The following NSMF variants were observed in gnomAD, a reference collection of about 807,000 sequenced individuals.
NSMF encodes NMDA receptor synaptonuclear signaling and neuronal migration factor.
Under a neutral mutation model 71.0 loss-of-function variants are expected in NSMF, and 31 were observed. The ratio of observed to expected loss-of-function variants is 0.44; its 90% CI spans 0.33 to 0.59. The LOEUF (loss-of-function observed/expected upper bound fraction) is 0.59. Ranked by LOEUF, NSMF falls within the 20% of genes least tolerant of loss-of-function variation. The pLI, the probability that NSMF is intolerant of heterozygous loss-of-function variation, is 0.04. For synonymous variants in NSMF, 345 were observed against 287.1 expected (o/e 1.20, Z -2.04); for missense variants, 673 against 740.5 (o/e 0.91, Z 1.06).
At chr9:137,452,940 AC>A (rs758103066) in intron 9 of NSMF, 115 bp downstream of exon 9, 2 of 1,565,870 alleles carry the variant, frequency 1.3e-6, no homozygotes, top group Non-Finnish European at 1.7e-6. Context: ...CCTGTGAGAC[AC>A]CCTCCCCCAG....
Position 137,457,393 on chromosome 9 carries a change from C to T in NSMF, c.628+14G>A, listed in dbSNP as rs756595593. The stretch of plus-strand genomic sequence containing the variant: ...ACCCCCAAACCTGTCTATGCCCTGA[C>T]ACAAACCCCTCACCAGACACACGGT... On this transcript the variant is annotated intron_variant, in intron 3 of 15. Coordinates refer to ENST00000371475, the MANE Select transcript of NSMF (RefSeq NM_001130969.3). The T allele has an allele frequency of 1.9e-6, 3 of 1,612,894 alleles. No individual in the cohort carries two copies. Among genetic ancestry groups the T allele is most frequent in the Non-Finnish European group, 2.5e-6 (3 of 1,179,976 alleles).
In NSMF at chr9:137,457,687, C is replaced by A. The variant is rs560559408; in HGVS notation, c.348G>T (p.Ala116=). Residue 116 remains alanine (A), a synonymous_variant, in exon 3 of 16, where the codon GCG becomes GCT. Transcript: ENST00000371475. ...TCACCACCGCCAGCTCAATGGCCTC[C>A]GCCTCAGGGCTGGGCAGCAGGGCAG... ...GEPALLPSPE[A]EAIELAVVKG... is the part of the protein sequence containing the mutation. The A allele has an allele frequency of 1.2e-5, 19 of 1,551,498 alleles. No homozygotes were observed. In the East Asian group the frequency reaches 4.4e-4, roughly 36 times the overall value.
intron 6 of NSMF, 62 bp downstream of exon 6, chr9:137,455,176 GC>G: frequency 1.3e-6 from 2 of 1,564,962 alleles, no homozygotes; most frequent in Non-Finnish European, 1.8e-6. Context: ...GGCCGAGGGG[GC>G]CCAGGCCAGG....
At position 137,449,393 on chromosome 9, in the gene NSMF, C is replaced by T; in HGVS notation, c.*1G>A. The stretch of plus-strand genomic sequence containing the variant: ...GGTGACTGGGCGGAGGCCTCTGCCC[C>T]TCACAGGACGTCGTCAAAGTCCAGC... On this transcript the variant is annotated 3_prime_UTR_variant, in exon 16 of 16. Coordinates refer to ENST00000371475, the MANE Select transcript of NSMF (RefSeq NM_001130969.3). 6.2e-7 allele frequency: 1 copy of T among 1,612,336 alleles called. No homozygotes were observed. The highest frequency in any genetic ancestry group is 1.1e-5 in the South Asian group (1 of 91,066).
rs749914565 is a variant in NSMF, at chr9:137,458,470, G to A, written c.133+18C>T. On this transcript the variant is annotated intron_variant, in intron 2 of 15. Transcript: ENST00000371475. ...TGGGGGGTCTGGGCGGCCCTGGCAC[G>A]GCCTCGCGTGCCCCTACCTGCGCCG... 1.7e-5 allele frequency: 26 copies of A among 1,569,588 alleles called. No individual in the cohort carries two copies. The highest frequency in any genetic ancestry group is 1.9e-5 in the Non-Finnish European group (22 of 1,161,578).
chr9:137,455,073 A>G (rs780502272), intron 6 of NSMF, 166 bp downstream of exon 6: 1 of 796,168 alleles, frequency 1.3e-6, no homozygotes, highest in Non-Finnish European at 2.2e-6. Flanking sequence ...GCTTTCCTGC[A>G]GCCCGGGCCA....
intron 4 of NSMF, 34 bp from the exon 5 acceptor site, chr9:137,455,668 A>G: frequency 6.5e-7 from 1 of 1,550,276 alleles, no homozygotes; most frequent in Non-Finnish European, 8.7e-7. Context: ...GGCGTGAGAG[A>G]GAAGACACAG....
rs1839773900 is a variant in NSMF, at chr9:137,449,271, T to C, written c.*123A>G. 4 of 791,082 alleles carry C rather than the reference T, an allele frequency of 5.1e-6. No homozygotes were observed. Among genetic ancestry groups the C allele is most frequent in the Non-Finnish European group, 8.6e-6 (4 of 467,174 alleles). 49.0% of individuals were successfully genotyped at this position (791,082 alleles called of 1,614,324 possible). A position where few individuals can be genotyped will look rare whatever the true frequency, so the allele number is the denominator to read the frequency against. Reference sequence around the variant, plus strand: ...GGGGGAACCTGAGCAACGTCTGAGGTGCCCTGAAGTGGCTCCAGGCGAGAC... The same window carrying C: ...GGGGGAACCTGAGCAACGTCTGAGGCGCCCTGAAGTGGCTCCAGGCGAGAC... On this transcript the variant is annotated 3_prime_UTR_variant, in exon 16 of 16. Transcript: ENST00000371475.
rs1839756306 is a variant in NSMF, at chr9:137,448,990, C to T, written c.*404G>A. ...CTGCTGGGCTGCTGGGCCGGGGTGC[C>T]TACACTGTAACTAGCAGCATAGTGC... On this transcript the variant is annotated 3_prime_UTR_variant, in exon 16 of 16. Coordinates refer to ENST00000371475, the MANE Select transcript of NSMF (RefSeq NM_001130969.3). This position sits in a 1 kb window ranked among gnomAD's most constrained non-coding sequence, Gnocchi z 5.3. 2 of 335,100 alleles carry T rather than the reference C, an allele frequency of 6.0e-6. No homozygotes were observed. Among genetic ancestry groups the T allele is most frequent in the South Asian group, 2.5e-5 (1 of 40,134 alleles). 20.8% of individuals were successfully genotyped at this position (335,100 alleles called of 1,614,324 possible). A position where few individuals can be genotyped will look rare whatever the true frequency, so the allele number is the denominator to read the frequency against.
rs763653120 is a variant in NSMF, at chr9:137,449,348, T to C, written c.*46A>G. ...GAGGCGGCCCAGCCCCAGGTCCCGG[T>C]GCAGAGGGAGTGGCCTGATGGTGAC... On this transcript the variant is annotated 3_prime_UTR_variant, in exon 16 of 16. Transcript: ENST00000371475. The C allele has an allele frequency of 6.6e-7, 1 of 1,524,896 alleles. No homozygotes were observed. Among genetic ancestry groups the C allele is most frequent in the South Asian group, 1.1e-5 (1 of 88,890 alleles). 94.5% of individuals were successfully genotyped at this position (1,524,896 alleles called of 1,614,324 possible). A position where few individuals can be genotyped will look rare whatever the true frequency, so the allele number is the denominator to read the frequency against.
rs763475008 is a variant in NSMF at position 137,455,220 on chromosome 9, A to C, written c.779+19T>G. The C allele has an allele frequency of 1.2e-6, 2 of 1,612,240 alleles. No homozygotes were observed. The highest frequency in any genetic ancestry group is 4.5e-5 in the East Asian group (2 of 44,878). On this transcript the variant is annotated intron_variant, in intron 6 of 15. Transcript: ENST00000371475. ...AGACCAGAGATGGACCCTGGTGGCG[A>C]GTGGCTGGCAGGCCCTACCTCTGGA...
At chr9:137,456,508 G>T in intron 3 of NSMF, 22 bp from the exon 4 acceptor site, 1 of 1,539,442 alleles carries the variant, frequency 6.5e-7, no homozygotes. Context: ...AAAAAGGAGC[G>T]GTGGCTGGGT....
rs1830768202 is a variant in NSMF at position 137,455,150 on chromosome 9, C to G, written c.779+89G>C. 6.5e-6 allele frequency: 9 copies of G among 1,386,292 alleles called. No individual in the cohort carries two copies. The South Asian group carries it at 9.2e-5, about 14-fold the overall frequency. 85.9% of individuals were successfully genotyped at this position (1,386,292 alleles called of 1,614,324 possible). A position where few individuals can be genotyped will look rare whatever the true frequency, so the allele number is the denominator to read the frequency against. On this transcript the variant is annotated intron_variant, in intron 6 of 15. Transcript: ENST00000371475. ...GCCAGTGGTCGCCACCACCCTTCCC[C>G]CATCAGGTCTGCCAGGGCCGAGGGG... is the stretch of plus-strand genomic sequence containing the variant.
At chr9:137,458,631 T>A (rs1414731286) in intron 1 of NSMF, 82 bp from the exon 2 acceptor site, 1 of 1,342,224 alleles carries the variant, frequency 7.5e-7, no homozygotes, top group Non-Finnish European at 1.0e-6. Flanking sequence ...GGGGGTCCGG[T>A]CCCCAGCCAG....
intron 3 of NSMF, among the ~76,000 whole-genome samples, 194 bp from the exon 4 acceptor site, chr9:137,456,680 C>A (rs1226709512): frequency 1.3e-5 from 2 of 152,218 alleles, no homozygotes; most frequent in Non-Finnish European, 2.9e-5. Context: ...CTCACCAAGA[C>A]CACGCTCTTG....
chr9:137,453,646 C>T lies in NSMF; in HGVS notation c.922+85G>A. Reference sequence around the variant, plus strand: ...TCAGGAGTGCAAAAGCGCAGCCCAGCGGCCCTGGCAGGGGACCCCCAGCAG... The same window carrying T: ...TCAGGAGTGCAAAAGCGCAGCCCAGTGGCCCTGGCAGGGGACCCCCAGCAG... On this transcript the variant is annotated intron_variant, in intron 8 of 15. Coordinates refer to ENST00000371475, the MANE Select transcript of NSMF (RefSeq NM_001130969.3). This position sits in a 1 kb window ranked among gnomAD's most constrained non-coding sequence, Gnocchi z 4.5. 1 of 1,038,566 alleles carries T rather than the reference C, an allele frequency of 9.6e-7. No individual in the cohort carries two copies. Among genetic ancestry groups the T allele is most frequent in the Admixed American group, 2.6e-5 (1 of 37,974 alleles). 64.3% of individuals were successfully genotyped at this position (1,038,566 alleles called of 1,614,324 possible).
Position 137,454,377 on chromosome 9 carries a change from G to A in NSMF, c.832+14C>T, listed in dbSNP as rs1830724709. ...GCAACGCCGCCCCCCCACCCCCGCC[G>A]CACGGGGTCTTACTCTGGGCCTTCA... On this transcript the variant is annotated intron_variant, in intron 7 of 15. Coordinates refer to ENST00000371475, the MANE Select transcript of NSMF (RefSeq NM_001130969.3). 2 of 1,548,120 alleles carry A rather than the reference G, an allele frequency of 1.3e-6. No homozygotes were observed. Among genetic ancestry groups the A allele is most frequent in the Non-Finnish European group, 1.7e-6 (2 of 1,145,546 alleles).
At position 137,453,919 on chromosome 9, in the gene NSMF, G is replaced by A. The variant is rs564621260; in HGVS notation, c.833-99C>T. 21 of 1,020,506 alleles carry A rather than the reference G, an allele frequency of 2.1e-5. No homozygotes were observed. The highest frequency in any genetic ancestry group is 3.2e-5 in the African/African-American group (2 of 62,996). 63.2% of individuals were successfully genotyped at this position (1,020,506 alleles called of 1,614,324 possible). On this transcript the variant is annotated intron_variant, in intron 7 of 15. Transcript: ENST00000371475. The surrounding 1 kb of genome is among the most constrained non-coding windows in gnomAD (Gnocchi z 4.5). The stretch of plus-strand genomic sequence containing the variant: ...ACCACAGGGGCCCTGGGCAGAGGAG[G>A]AAGCTAATGTGGGTGGGGTCTAAGG...
intron 14 of NSMF, 111 bp from the exon 15 acceptor site, chr9:137,449,785 T>C (rs1239548724): frequency 3.8e-6 from 5 of 1,309,208 alleles, no homozygotes; most frequent in African/African-American, 2.9e-5. Context: ...CAAACCTGGC[T>C]GGGCTCAGGC....
Sources: gnomAD v4.1 joint callset for allele counts (sites outside exome capture counted in the v4.1 genomes callset) on GRCh38, gnomAD v4.1.1 for gene constraint, Gnocchi (gnomAD v3.1) non-coding constraint, MANE v1.5 for transcripts, NCBI Gene and HGNC (gene_info 2026-07-23, HGNC 2026-07-21) for gene names.